Variants in EP300 observed in about 807,000 individuals in gnomAD.
EP300 encodes the protein EP300 lysine acetyltransferase, also known as histone acetyltransferase p300.
In EP300, 31 loss-of-function variants were observed where a neutral mutation model predicts 264.0. That is an observed-to-expected ratio of 0.12 (90% CI 0.09 to 0.16). The LOEUF is 0.16. EP300 is among the 10% of genes least tolerant of loss of function. EP300 has a pLI of 1.00. For missense variants in EP300, 2,766 were observed against 3,052.9 expected (o/e 0.91, Z 2.21); for synonymous variants, 1,340 against 1,045.4 (o/e 1.28, Z -5.44).
chr22:41,119,698 C>T (rs1369247168), intron 2 of EP300, among the ~76,000 whole-genome samples: 1 of 146,676 alleles, frequency 6.8e-6, no homozygotes, highest in Admixed American at 6.6e-5. Context: ...TAATTTCTTT[C>T]AGAAACTGGG....
chr22:41,126,207 TTC>T (rs1481271380), intron 3 of EP300, 167 bp downstream of exon 3: 1 of 685,374 alleles, frequency 1.5e-6, no homozygotes, highest in East Asian at 2.7e-5. Context: ...TCCTTTCCAT[TTC>T]TCTGTTTTTT....
intron 14 of EP300, 75 bp downstream of exon 14, chr22:41,150,273 A>C: frequency 6.8e-7 from 1 of 1,472,376 alleles, no homozygotes; most frequent in South Asian, 1.2e-5. Context: ...GGCCATTTCC[A>C]TTCTCTTTTG....
At chr22:41,112,659 GA>G (rs982961526) in intron 1 of EP300, among the ~76,000 whole-genome samples, 1 of 150,486 alleles carries the variant, frequency 6.6e-6, no homozygotes, top group Non-Finnish European at 1.5e-5. Flanking sequence ...TGTCCATGAA[GA>G]AGATTGGCCT....
At chr22:41,108,983 C>T (rs1022213681) in intron 1 of EP300, among the ~76,000 whole-genome samples, 1 of 152,236 alleles carries the variant, frequency 6.6e-6, no homozygotes, top group African/African-American at 2.4e-5. Context: ...AGAAAAAATA[C>T]TTGCTGGCCC....
chr22:41,117,523 A>C lies in EP300; in HGVS notation c.431A>C (p.Asn144Thr). Residue 144 changes from asparagine (N) to threonine (T), a missense_variant, in exon 2 of 31, where the codon AAT becomes ACT. By Grantham distance (65) the Asn-to-Thr change is moderately conservative. Coordinates refer to ENST00000263253, the MANE Select transcript of EP300 (RefSeq NM_001429.4). ...PNMGMGTSGP[N>T]QGPTQSTGMM... is the part of the protein sequence containing the mutation. ...ATGGGGATGGGCACTAGTGGACCAA[A>C]TCAGGGTCCTACGCAGTCAACAGGT... The C allele has an allele frequency of 5.0e-6, 8 of 1,614,096 alleles. No individual in the cohort carries two copies. The highest frequency in any genetic ancestry group is 6.8e-6 in the Non-Finnish European group (8 of 1,179,918).
chr22:41,109,841 T>A (rs2058778960), intron 1 of EP300, among the ~76,000 whole-genome samples: 1 of 147,980 alleles, frequency 6.8e-6, no homozygotes, highest in Non-Finnish European at 1.5e-5. Context: ...CAAGATGTAG[T>A]CTTGCTCTGT....
At chr22:41,162,401 G>A (rs1255968319) in intron 20 of EP300, among the ~76,000 whole-genome samples, 1 of 152,030 alleles carries the variant, frequency 6.6e-6, no homozygotes. Flanking sequence ...TGTTATGCTG[G>A]GTTTCAGGAT....
intron 6 of EP300, among the ~76,000 whole-genome samples, chr22:41,132,898 C>G (rs1467868616): frequency 3.0e-4 from 45 of 152,082 alleles, no homozygotes; most frequent in Non-Finnish European, 1.0e-4. Context: ...GTTCTAATAT[C>G]TTAATTTTGG....
chr22:41,157,511 GC>G, intron 18 of EP300, 103 bp downstream of exon 18: 16 of 890,160 alleles, frequency 1.8e-5, no homozygotes, highest in East Asian at 6.0e-5. Context: ...CTTTGACATG[GC>G]TTTTTTTTTT....
At chr22:41,139,567 A>G (rs558421012) in intron 8 of EP300, among the ~76,000 whole-genome samples, 2 of 152,336 alleles carry the variant, frequency 1.3e-5, no homozygotes, top group Admixed American at 1.3e-4. Context: ...ATTAGTGCCT[A>G]AAGATCACAT....
intron 3 of EP300, 126 bp from the exon 4 acceptor site, chr22:41,127,360 CA>C: frequency 1.6e-6 from 2 of 1,268,714 alleles, no homozygotes; most frequent in Non-Finnish European, 2.2e-6. Flanking sequence ...TTCCCTGTGT[CA>C]AAAAATGGAG....
rs886057574 is a variant in EP300 at position 41,179,508 on chromosome 22, G to A, written c.*552G>A. On this transcript the variant is annotated 3_prime_UTR_variant, in exon 31 of 31. Coordinates refer to ENST00000263253, the MANE Select transcript of EP300 (RefSeq NM_001429.4). ...CCAGTTTTTTTTCTCTGGGTGCAAA[G>A]ATGTTCATTCTTTTAAAAAATGTTT... 1.2e-5 allele frequency: 2 copies of A among 169,570 alleles called. No homozygotes were observed. Among genetic ancestry groups the A allele is most frequent in the Non-Finnish European group, 2.4e-5 (2 of 82,628 alleles). The allele number at this position is 169,570 out of a possible 1,614,324, so 10.5% of individuals were successfully genotyped here.
chr22:41,123,556 CTA>C (rs533217922), intron 2 of EP300, among the ~76,000 whole-genome samples: 104 of 152,272 alleles, frequency 6.8e-4, no homozygotes, highest in Admixed American at 3.6e-3. Flanking sequence ...GTTTTAGTGT[CTA>C]TGTGTGCTTT....
At position 41,126,223 on chromosome 22, in the gene EP300, T is replaced by C. The variant is rs971710434; in HGVS notation, c.906+183T>C. 8.0e-5 allele frequency: 51 copies of C among 635,836 alleles called. 1 individual carries two copies. The highest frequency in any genetic ancestry group is 8.0e-4 in the South Asian group (42 of 52,482). The allele number at this position is 635,836 out of a possible 1,614,324, so 39.4% of individuals were successfully genotyped here. On this transcript the variant is annotated intron_variant, in intron 3 of 30. Transcript: ENST00000263253. ...CCTTTCCATTTCTCTGTTTTTTTTGTTCCATGTGGTTATTGATCAGTGAGC... is the reference window on the plus strand; with the variant it reads ...CCTTTCCATTTCTCTGTTTTTTTTGCTCCATGTGGTTATTGATCAGTGAGC...
chr22:41,110,210 C>A (rs2145687621), intron 1 of EP300, among the ~76,000 whole-genome samples: 1 of 146,634 alleles, frequency 6.8e-6, no homozygotes, highest in Admixed American at 6.9e-5. Context: ...GCACTGCAGC[C>A]TCAACCTCCT....
rs1462585691 is a variant in EP300 at position 41,179,123 on chromosome 22, G to A, written c.*167G>A. The A allele has an allele frequency of 1.3e-5, 9 of 696,484 alleles. No homozygotes were observed. The highest frequency in any genetic ancestry group is 2.1e-5 in the Non-Finnish European group (9 of 421,532). 43.1% of individuals were successfully genotyped at this position (696,484 alleles called of 1,614,324 possible). On this transcript the variant is annotated 3_prime_UTR_variant, in exon 31 of 31. Coordinates refer to ENST00000263253, the MANE Select transcript of EP300 (RefSeq NM_001429.4). ...GTGGTTTAAAGCAAACATGCAAGAT[G>A]AACCTGAGGGATGATAGAATACAAA...
At chr22:41,151,462 C>G (rs1310589430) in intron 14 of EP300, among the ~76,000 whole-genome samples, 3 of 152,156 alleles carry the variant, frequency 2.0e-5, no homozygotes, top group Admixed American at 6.5e-5. Context: ...TTGAAACTTT[C>G]TCTGGTGAGA....
At chr22:41,098,125 A>G (rs2058712016) in intron 1 of EP300, among the ~76,000 whole-genome samples, 1 of 151,944 alleles carries the variant, frequency 6.6e-6, no homozygotes, top group Admixed American at 6.6e-5. Context: ...CATTAGGTAT[A>G]TCTCCTAATG....
chr22:41,128,026 G>C (rs935911584), intron 4 of EP300, among the ~76,000 whole-genome samples: 1 of 152,018 alleles, frequency 6.6e-6, no homozygotes, highest in Non-Finnish European at 1.5e-5. Flanking sequence ...CGCCGGGCAT[G>C]ATGATGCACC....
Sources: allele counts gnomAD v4.1 joint callset (sites outside exome capture counted in the v4.1 genomes callset), GRCh38; gene constraint gnomAD v4.1.1; transcripts MANE v1.5; gene names NCBI Gene and HGNC (gene_info 2026-07-23, HGNC 2026-07-21).